Variants in CWC27 observed in about 807,000 individuals in gnomAD.
CWC27 encodes the protein CWC27 spliceosome associated cyclophilin, also known as spliceosome-associated protein CWC27 homolog.
Under a neutral mutation model 63.6 loss-of-function variants are expected in CWC27, and 47 were observed. The observed-to-expected ratio is 0.74, with a 90% CI of 0.58 to 0.94. CWC27 has a LOEUF of 0.94. Among genes scored for constraint, CWC27 ranks in the 40% least tolerant of loss-of-function variants. CWC27 has a pLI of 0.00. For missense variants in CWC27, 495 were observed against 554.3 expected, an observed-to-expected ratio of 0.89 and a Z score of 1.07; for synonymous variants, 175 against 179.8, an observed-to-expected ratio of 0.97 and a Z score of 0.22.
At chr5:64,821,968 A>C (rs1320463990) in intron 10 of CWC27, among the ~76,000 whole-genome samples, 1 of 152,214 alleles carries the variant, frequency 6.6e-6, no homozygotes, top group East Asian at 1.9e-4. Flanking sequence ...ACATGGTTGC[A>C]TGTCTGCCGG....
intron 13 of CWC27, among the ~76,000 whole-genome samples, chr5:64,979,486 A>T (rs1749291840): frequency 1.3e-5 from 2 of 152,232 alleles, no homozygotes; most frequent in South Asian, 4.1e-4. Context: ...CCTGATAAGC[A>T]ACAACATCAT....
chr5:64,881,609 A>T (rs1051308395), intron 10 of CWC27, among the ~76,000 whole-genome samples: 1 of 152,124 alleles, frequency 6.6e-6, no homozygotes, highest in Non-Finnish European at 1.5e-5. Context: ...TTTATAGTTG[A>T]ATAAACTGAG....
intron 11 of CWC27, among the ~76,000 whole-genome samples, chr5:64,941,198 C>T (rs1748472468): frequency 6.6e-6 from 1 of 152,114 alleles, no homozygotes; most frequent in African/African-American, 2.4e-5. Flanking sequence ...CCAGAAATCA[C>T]CCTTTTTCCT....
At chr5:64,820,223 A>G (rs57861201) in intron 10 of CWC27, among the ~76,000 whole-genome samples, 50,997 of 152,078 alleles carry the variant, frequency 0.34, 8,881 homozygotes, top group East Asian at 0.51. Flanking sequence ...AAACCTTACA[A>G]AGCTGTAAAT....
At position 64,947,809 on chromosome 5, in the gene CWC27, T is replaced by C. The variant is rs146226328; in HGVS notation, c.1043-23894T>C. On this transcript the variant is annotated intron_variant, in intron 11 of 13. Transcript: ENST00000381070. ...GAGCAGGGAATATAAGAAAGGACTT[T>C]AGGGAGAGCCTTATATATCATTTTG... 4.5e-3 allele frequency among the ~76,000 whole-genome samples: 685 copies of C among 152,188 alleles called. 6 individuals are homozygous for C. Among genetic ancestry groups the C allele is most frequent in the African/African-American group, 0.016 (652 of 41,558 alleles).
rs114467919 is a variant in CWC27 at position 65,012,484 on chromosome 5, C to T, written c.1257-5675C>T. ...CAGGCAATTCCAAACTCTGCGTTTA[C>T]CACATCGTGGTGTCTGTCTGTATGT... On this transcript the variant is annotated intron_variant, in intron 13 of 13. Coordinates refer to ENST00000381070, the MANE Select transcript of CWC27 (RefSeq NM_005869.4). Among the ~76,000 whole-genome samples, 774 of 152,288 alleles carry T rather than the reference C, an allele frequency of 5.1e-3. 5 individuals are homozygous for T. The highest frequency in any genetic ancestry group is 0.018 in the African/African-American group (739 of 41,570).
intron 7 of CWC27, among the ~76,000 whole-genome samples, chr5:64,795,519 C>A (rs543061638): frequency 3.0e-4 from 46 of 152,156 alleles, no homozygotes; most frequent in African/African-American, 1.1e-3. Context: ...TGGGGAGAAT[C>A]TATTCCCTTG....
At chr5:64,778,541 A>G (rs143258187) in intron 2 of CWC27, among the ~76,000 whole-genome samples, 7 of 152,346 alleles carry the variant, frequency 4.6e-5, no homozygotes, top group Admixed American at 1.3e-4. Context: ...GAGTGAAGAT[A>G]TTAGTTTGAC....
intron 10 of CWC27, among the ~76,000 whole-genome samples, chr5:64,855,199 G>GA (rs948606573): frequency 1.2e-4 from 18 of 151,684 alleles, no homozygotes; most frequent in South Asian, 2.1e-4. Flanking sequence ...TGTCATATTT[G>GA]AAAAAAAAGT....
intron 10 of CWC27, among the ~76,000 whole-genome samples, chr5:64,838,432 G>A (rs191598546): frequency 8.5e-5 from 13 of 152,276 alleles, no homozygotes; most frequent in Admixed American, 2.0e-4. Flanking sequence ...AACCAGGAAA[G>A]TTCATTTCTT....
intron 2 of CWC27, among the ~76,000 whole-genome samples, chr5:64,781,174 G>A (rs192724887): frequency 7.5e-4 from 114 of 151,984 alleles, no homozygotes; most frequent in African/African-American, 2.5e-3. Context: ...ATATTTATGA[G>A]TTCTAAATTA....
intron 11 of CWC27, among the ~76,000 whole-genome samples, chr5:64,964,937 A>G (rs1439999734): frequency 6.6e-6 from 1 of 152,188 alleles, no homozygotes; most frequent in African/African-American, 2.4e-5. Flanking sequence ...ATCAAATTAA[A>G]AGCTTCAAAA....
At chr5:64,814,719 C>T (rs1005908186) in intron 10 of CWC27, among the ~76,000 whole-genome samples, 6 of 152,156 alleles carry the variant, frequency 3.9e-5, no homozygotes, top group African/African-American at 1.2e-4. Context: ...TAAAGAAAGA[C>T]TGACATGAAA....
intron 13 of CWC27, among the ~76,000 whole-genome samples, chr5:64,978,495 G>A (rs915845941): frequency 6.6e-6 from 1 of 152,162 alleles, no homozygotes; most frequent in Non-Finnish European, 1.5e-5. Context: ...TGGTGCCAAA[G>A]GCGAAGGCTC....
chr5:64,991,152 T>G (rs1749529675), intron 13 of CWC27, among the ~76,000 whole-genome samples: 1 of 152,226 alleles, frequency 6.6e-6, no homozygotes, highest in African/African-American at 2.4e-5. Flanking sequence ...AAACCTTGCA[T>G]TCACTTAGGA....
intron 10 of CWC27, among the ~76,000 whole-genome samples, chr5:64,833,812 C>G (rs1050802877): frequency 2.0e-5 from 3 of 151,576 alleles, no homozygotes; most frequent in African/African-American, 7.3e-5. Flanking sequence ...AAGTTAGACC[C>G]ATCATTTATT....
At chr5:64,905,439 G>C (rs1747612008) in intron 11 of CWC27, among the ~76,000 whole-genome samples, 1 of 152,072 alleles carries the variant, frequency 6.6e-6, no homozygotes, top group African/African-American at 2.4e-5. Flanking sequence ...AAATGGCACA[G>C]AGATGACCCA....
intron 10 of CWC27, among the ~76,000 whole-genome samples, chr5:64,805,506 T>A (rs1234014017): frequency 6.6e-6 from 1 of 151,892 alleles, no homozygotes; most frequent in Non-Finnish European, 1.5e-5. Context: ...TATGGATACA[T>A]AATGTTTTAT....
chr5:64,791,968 A>G (rs1744094715), intron 7 of CWC27, among the ~76,000 whole-genome samples: 1 of 152,020 alleles, frequency 6.6e-6, no homozygotes, highest in Non-Finnish European at 1.5e-5. Context: ...AGCCTTCATT[A>G]TCTCTAGACT....
Sources: gnomAD v4.1 joint callset for allele counts (sites outside exome capture counted in the v4.1 genomes callset) on GRCh38, gnomAD v4.1.1 for gene constraint, MANE v1.5 for transcripts, NCBI Gene and HGNC (gene_info 2026-07-23, HGNC 2026-07-21) for gene names.